The following BRWD1 variants were observed in gnomAD, a reference collection of about 807,000 sequenced individuals.
BRWD1 encodes bromodomain and WD repeat-containing protein 1.
In BRWD1, 82 loss-of-function variants were observed where a neutral mutation model predicts 251.2. The observed-to-expected ratio is 0.33, with a 90% confidence interval of 0.27 to 0.39. BRWD1 has a LOEUF of 0.39. BRWD1 is among the 10% of genes least tolerant of loss of function. The pLI, the probability that BRWD1 is intolerant of heterozygous loss-of-function variation, is 1.00. For missense variants in BRWD1, 2,233 were observed against 2,711.6 expected (o/e 0.82, Z 3.92); for synonymous variants, 918 against 902.8 (o/e 1.02, Z -0.30).
chr21:39,273,664 G>T (rs897182225), intron 13 of BRWD1, among the ~76,000 whole-genome samples: 2 of 150,048 alleles, frequency 1.3e-5, no homozygotes, highest in East Asian at 1.9e-4. Flanking sequence ...GAGATGGGGG[G>T]ACTGCCTGAG....
intron 4 of BRWD1, among the ~76,000 whole-genome samples, chr21:39,306,213 G>A (rs1601506553): frequency 6.6e-6 from 1 of 151,950 alleles, no homozygotes; most frequent in South Asian, 2.1e-4. Flanking sequence ...GGGACTACAG[G>A]CGCCCGCCAC....
At chr21:39,267,319 G>T (rs1226338718) in intron 15 of BRWD1, among the ~76,000 whole-genome samples, 2 of 152,170 alleles carry the variant, frequency 1.3e-5, no homozygotes, top group Non-Finnish European at 2.9e-5. Context: ...ACACAGGCCA[G>T]GTACAGTGGC....
At chr21:39,279,537 G>A (rs1479720486) in intron 9 of BRWD1, among the ~76,000 whole-genome samples, 2 of 150,896 alleles carry the variant, frequency 1.3e-5, no homozygotes, top group Non-Finnish European at 2.9e-5. Context: ...TACTCAGGAG[G>A]CTGAGGCAGG....
chr21:39,299,301 CT>C (rs1287265164), intron 4 of BRWD1, among the ~76,000 whole-genome samples: 1 of 151,552 alleles, frequency 6.6e-6, no homozygotes. Context: ...AAGCATACAT[CT>C]TTGAGAGAGA....
intron 8 of BRWD1, among the ~76,000 whole-genome samples, chr21:39,287,822 C>G (rs1221518008): frequency 6.6e-6 from 1 of 152,200 alleles, no homozygotes; most frequent in Non-Finnish European, 1.5e-5. Flanking sequence ...CTTGTGATCA[C>G]TGAATTTCAG....
intron 37 of BRWD1, among the ~76,000 whole-genome samples, chr21:39,203,706 C>T (rs1158467847): frequency 4.6e-5 from 7 of 150,728 alleles, no homozygotes; most frequent in Admixed American, 1.3e-4. Flanking sequence ...CGCGCCCAGC[C>T]GACCCTGCTT....
intron 23 of BRWD1, 81 bp downstream of exon 23, chr21:39,236,514 G>C: frequency 1.6e-6 from 2 of 1,262,240 alleles, no homozygotes; most frequent in East Asian, 2.5e-5. Flanking sequence ...AGTATCACGA[G>C]AAATGTTAAA....
In BRWD1 at chr21:39,199,237, G is replaced by A. The variant is rs149632627; in HGVS notation, c.5179C>T (p.Arg1727Trp). 9.0e-5 allele frequency: 145 copies of A among 1,614,102 alleles called. No homozygotes were observed. The highest frequency in any genetic ancestry group is 1.1e-4 in the Non-Finnish European group (132 of 1,180,018). The change falls in exon 40 of 41, where the codon CGG becomes TGG. Residue 1727 changes from arginine to tryptophan, a missense_variant. Around this residue, in one of 12 missense-constraint regions of BRWD1, gnomAD observed 928 missense variants for 970.0 expected, o/e 0.96. Coordinates refer to ENST00000342449, the MANE Select transcript of BRWD1 (RefSeq NM_033656.4). ...NRDSESESDL[R>W]VARKNWHANG... ...GCATGCCAATTTTTCCGGGCTACCC[G>A]CAAATCACTTTCTGACTCTGAGTCT...
chr21:39,304,368 T>C (rs1343819041), intron 4 of BRWD1, among the ~76,000 whole-genome samples: 1 of 152,010 alleles, frequency 6.6e-6, no homozygotes, highest in Non-Finnish European at 1.5e-5. Context: ...CCCAGCACTT[T>C]GGGAAGCCAA....
rs916303387 is a variant in BRWD1, at chr21:39,185,621, T to C, written c.*10638A>G. ...TAGTAGGTTAGAATATTCTGGCTTA[T>C]GCTAAAAAACAAAAAGCCTTTTTTT... On this transcript the variant is annotated 3_prime_UTR_variant, in exon 41 of 41. Coordinates refer to ENST00000342449, the MANE Select transcript of BRWD1 (RefSeq NM_033656.4). 8 of 151,978 alleles carry C rather than the reference T, an allele frequency of 5.3e-5. No homozygotes were observed. Among genetic ancestry groups the C allele is most frequent in the African/African-American group, 1.9e-4 (8 of 41,410 alleles). The allele number at this position is 151,978 out of a possible 1,614,324, so 9.4% of individuals were successfully genotyped here. A position where few individuals can be genotyped will look rare whatever the true frequency, so the allele number is the denominator to read the frequency against.
intron 8 of BRWD1, among the ~76,000 whole-genome samples, chr21:39,292,380 A>AAT (rs2035842347): frequency 6.6e-6 from 1 of 152,148 alleles, no homozygotes; most frequent in Non-Finnish European, 1.5e-5. Flanking sequence ...TTCTGTCCCT[A>AAT]ATAACTAACG....
chr21:39,245,430 A>G (rs554903684), intron 21 of BRWD1, among the ~76,000 whole-genome samples: 1 of 152,302 alleles, frequency 6.6e-6, no homozygotes, highest in East Asian at 1.9e-4. Flanking sequence ...GCTAAGCAAC[A>G]TGACAAAGTA....
intron 21 of BRWD1, among the ~76,000 whole-genome samples, chr21:39,244,921 A>AT (rs2034125656): frequency 1.8e-5 from 2 of 112,524 alleles, no homozygotes; most frequent in African/African-American, 6.0e-5. Context: ...CTTTGGAAGA[A>AT]ATATATATAT....
At chr21:39,317,014 A>G (rs1433670894), upstream of BRWD1, 1 of 152,240 alleles carries the variant, frequency 6.6e-6, no homozygotes, top group Non-Finnish European at 1.5e-5. Context: ...TATCACATTC[A>G]TGACAAATAT....
At chr21:39,302,460 T>C (rs1351766920) in intron 4 of BRWD1, among the ~76,000 whole-genome samples, 9 of 152,112 alleles carry the variant, frequency 5.9e-5, no homozygotes, top group Admixed American at 5.9e-4. Context: ...ACTTTTATAA[T>C]ATGTGGTAAG....
Position 39,190,107 on chromosome 21 carries a change from A to G in BRWD1, c.*6152T>C. On this transcript the variant is annotated 3_prime_UTR_variant, in exon 41 of 41. Transcript: ENST00000342449. ...ATGACCACTTTAAATTATAACTCAC[A>G]GATATGTGTGTATTCTAAGATGGTA... is the stretch of plus-strand genomic sequence containing the variant. 1 of 985,274 alleles carries G rather than the reference A, an allele frequency of 1.0e-6. No homozygotes were observed. Among genetic ancestry groups the G allele is most frequent in the Non-Finnish European group, 1.2e-6 (1 of 829,774 alleles). The allele number at this position is 985,274 out of a possible 1,614,324, so 61.0% of individuals were successfully genotyped here.
At chr21:39,209,841 TTTTC>T (rs1442930122) in intron 36 of BRWD1, 150 bp downstream of exon 36, 4 of 730,858 alleles carry the variant, frequency 5.5e-6, no homozygotes, top group Non-Finnish European at 8.0e-6. Context: ...GCAGAAGCTC[TTTTC>T]TTTATAATAG....
At chr21:39,260,770 C>G (rs1255548267) in intron 17 of BRWD1, among the ~76,000 whole-genome samples, 2 of 152,094 alleles carry the variant, frequency 1.3e-5, no homozygotes, top group African/African-American at 4.8e-5. Context: ...AGAGAGAACC[C>G]AAACAGCATC....
At chr21:39,202,208 G>GT (rs1368450297) in intron 38 of BRWD1, 117 bp downstream of exon 38, 1 of 656,868 alleles carries the variant, frequency 1.5e-6, no homozygotes, top group Middle Eastern at 4.3e-4. Context: ...CCATTAAACT[G>GT]TAAGTTCTTT....
Sources: gnomAD v4.1 joint callset for allele counts (sites outside exome capture counted in the v4.1 genomes callset) on GRCh38, gnomAD v4.1.1 for gene constraint, gnomAD v4.1.1 regional missense constraint, MANE v1.5 for transcripts, NCBI Gene and HGNC (gene_info 2026-07-23, HGNC 2026-07-21) for gene names.